CCDC60: variants seen among roughly 807,000 people sequenced by gnomAD.
CCDC60 encodes the protein coiled-coil domain-containing protein 60.
Under a neutral mutation model 63.5 loss-of-function variants are expected in CCDC60, and 54 were observed. The ratio of observed to expected loss-of-function variants is 0.85; its 90% CI spans 0.68 to 1.07. The LOEUF (loss-of-function observed/expected upper bound fraction) is 1.07, where lower values mean the gene tolerates loss of function less well. Among genes scored for constraint, CCDC60 ranks in the 50% least tolerant of loss-of-function variants. The pLI is 0.00. For missense variants in CCDC60, 651 were observed against 684.3 expected, an observed-to-expected ratio of 0.95 and a Z score of 0.54; for synonymous variants, 206 against 238.8, an observed-to-expected ratio of 0.86 and a Z score of 1.27.
intron 5 of CCDC60, among the ~76,000 whole-genome samples, chr12:119,490,567 C>CT (rs112924881): frequency 0.051 from 7,546 of 146,676 alleles, 591 homozygotes; most frequent in African/African-American, 0.17. Flanking sequence ...CCTTCTTCTT[C>CT]TTTTTTTTTT....
intron 1 of CCDC60, among the ~76,000 whole-genome samples, chr12:119,421,272 T>C (rs1593063612): frequency 6.6e-6 from 1 of 152,242 alleles, no homozygotes; most frequent in East Asian, 1.9e-4. Context: ...TCTGATTTTC[T>C]GCCATATTAA....
At chr12:119,353,731 C>T (rs1955686382) in intron 1 of CCDC60, among the ~76,000 whole-genome samples, 1 of 151,626 alleles carries the variant, frequency 6.6e-6, no homozygotes, top group Admixed American at 6.6e-5. Context: ...CCTCAGCCTC[C>T]CAAGTAGCTG....
intron 2 of CCDC60, among the ~76,000 whole-genome samples, chr12:119,458,295 C>T (rs527790564): frequency 1.3e-5 from 2 of 152,344 alleles, no homozygotes; most frequent in African/African-American, 4.8e-5. Flanking sequence ...AGTGTTTGTT[C>T]ATCTTAATGT....
chr12:119,473,175 A>G (rs1465275880), intron 3 of CCDC60, among the ~76,000 whole-genome samples: 1 of 152,190 alleles, frequency 6.6e-6, no homozygotes, highest in Non-Finnish European at 1.5e-5. Context: ...TAGTGGCACC[A>G]AAATCCATCG....
At chr12:119,445,433 CAAAAAAAAAAA>C (rs58415660) in intron 2 of CCDC60, among the ~76,000 whole-genome samples, 3 of 27,198 alleles carry the variant, frequency 1.1e-4, no homozygotes, top group African/African-American at 4.7e-4. Context: ...GACTCCATCT[CAAAAAAAAAAA>C]AAAAAAAAAA....
intron 1 of CCDC60, among the ~76,000 whole-genome samples, chr12:119,386,007 C>T (rs1956056402): frequency 6.6e-6 from 1 of 152,214 alleles, no homozygotes; most frequent in Admixed American, 6.5e-5. Flanking sequence ...AGAGATGTTG[C>T]TTGGTTCATT....
intron 1 of CCDC60, among the ~76,000 whole-genome samples, chr12:119,424,632 C>G (rs969168259): frequency 6.6e-6 from 1 of 152,112 alleles, no homozygotes; most frequent in African/African-American, 2.4e-5. Flanking sequence ...ACTTTTTAAT[C>G]TACTATTTAA....
chr12:119,479,950 A>C (rs1257559447), intron 4 of CCDC60, among the ~76,000 whole-genome samples: 2 of 149,584 alleles, frequency 1.3e-5, no homozygotes, highest in Non-Finnish European at 3.0e-5. Context: ...GACATTACCA[A>C]ATGTCCCCTG....
At chr12:119,492,796 TC>T (rs1951620375) in intron 5 of CCDC60, among the ~76,000 whole-genome samples, 1 of 152,178 alleles carries the variant, frequency 6.6e-6, no homozygotes, top group South Asian at 2.1e-4. Context: ...CAAAATCAAG[TC>T]CATAGAGGAT....
rs1032181186 is a variant in CCDC60 at position 119,417,741 on chromosome 12, A to C, written c.91-10942A>C. ...CCAAAACAAACAAATCAACCAAAAA[A>C]CTATGACAGGTGGTGACTTGTAGGT... is the stretch of plus-strand genomic sequence containing the variant. On this transcript the variant is annotated intron_variant, in intron 1 of 13. Transcript: ENST00000327554. Among the ~76,000 whole-genome samples the C allele has an allele frequency of 5.3e-5, 8 of 152,264 alleles. No individual in the cohort carries two copies. The South Asian group carries it at 1.7e-3, about 32-fold the overall frequency.
chr12:119,479,494 C>T (rs1016277751), intron 4 of CCDC60: 5 of 338,432 alleles, frequency 1.5e-5, no homozygotes, highest in Non-Finnish European at 2.8e-5. Flanking sequence ...CAGCCCTCAT[C>T]GAGTGTGTGC....
intron 1 of CCDC60, among the ~76,000 whole-genome samples, chr12:119,406,198 TATATATAG>T (rs1956487463): frequency 7.2e-6 from 1 of 138,794 alleles, no homozygotes; most frequent in Non-Finnish European, 1.6e-5. Flanking sequence ...TATAGATATA[TATATATAG>T]AGAGAGAGAG....
chr12:119,361,199 G>A (rs914026315), intron 1 of CCDC60, among the ~76,000 whole-genome samples: 5 of 64,480 alleles, frequency 7.8e-5, no homozygotes, highest in Non-Finnish European at 8.9e-5. Context: ...AGAGGGAGAC[G>A]AGAGGGAGAG....
At chr12:119,523,944 C>A in intron 11 of CCDC60, 126 bp downstream of exon 11, 1 of 966,828 alleles carries the variant, frequency 1.0e-6, no homozygotes, top group Non-Finnish European at 1.5e-6. Context: ...CCTCAGGGAG[C>A]TCACAGTCTT....
chr12:119,429,107 T>C (rs1188518063), intron 2 of CCDC60, among the ~76,000 whole-genome samples: 1 of 152,204 alleles, frequency 6.6e-6, no homozygotes, highest in Non-Finnish European at 1.5e-5. Context: ...AGAGTCGTTC[T>C]CAAATTCTGG....
At chr12:119,493,533 A>AG (rs1308844600) in intron 5 of CCDC60, among the ~76,000 whole-genome samples, 20 of 149,946 alleles carry the variant, frequency 1.3e-4, no homozygotes. Context: ...TGCTTTATTG[A>AG]GAAAAAAAAA....
At chr12:119,344,833 TCTTTCTCTCTCTCTCTCTCTCTCACACA>T (rs1204812069) in intron 1 of CCDC60, among the ~76,000 whole-genome samples, 21 of 130,616 alleles carry the variant, frequency 1.6e-4, no homozygotes, top group African/African-American at 5.9e-4. Context: ...TCTCTCTCTC[TCTTTCTCTCTCTCTCTCTCTCTCACACA>T]CACACACACA....
chr12:119,486,609 T>C (rs545778827), intron 4 of CCDC60, among the ~76,000 whole-genome samples: 1 of 152,304 alleles, frequency 6.6e-6, no homozygotes, highest in Admixed American at 6.5e-5. Context: ...GTAGATAATC[T>C]GTAGAAGGAA....
In CCDC60 at chr12:119,520,171, T is replaced by C. The variant is rs768461791; in HGVS notation, c.1019T>C (p.Met340Thr). Reference sequence around the variant, plus strand: ...AAGAGTAATTCTGCTTATAAGGAAATGCAGACCACTCTCAAATCAAGGTAG... The same window carrying C: ...AAGAGTAATTCTGCTTATAAGGAAACGCAGACCACTCTCAAATCAAGGTAG... The part of the protein sequence containing the change: ...QNKSNSAYKE[M>T]QTTLKSSERS... The change falls in exon 9 of 14, where the codon ATG (methionine) becomes ACG (threonine). Residue 340 changes from methionine (M) to threonine (T), a missense_variant. Met to Thr is a moderately conservative substitution (Grantham distance 81). Coordinates refer to ENST00000327554, the MANE Select transcript of CCDC60 (RefSeq NM_178499.5). 20 of 1,613,628 alleles carry C rather than the reference T, an allele frequency of 1.2e-5. No individual in the cohort carries two copies. The highest frequency in any genetic ancestry group is 3.3e-5 in the Admixed American group (2 of 59,958).
Sources: gnomAD v4.1 joint callset for allele counts (sites outside exome capture counted in the v4.1 genomes callset) on GRCh38, gnomAD v4.1.1 for gene constraint, MANE v1.5 for transcripts, NCBI Gene and HGNC (gene_info 2026-07-23, HGNC 2026-07-21) for gene names.